Variants in CSRNP3 observed in about 807,000 individuals in gnomAD.
CSRNP3 encodes cysteine/serine-rich nuclear protein 3.
CSRNP3 carries 12 observed loss-of-function variants against 48.0 expected under a neutral mutation model. The ratio of observed to expected loss-of-function variants is 0.25; its 90% confidence interval spans 0.16 to 0.41. The LOEUF (loss-of-function observed/expected upper bound fraction) is 0.41. Among genes scored for constraint, CSRNP3 ranks in the 10% least tolerant of loss-of-function variants. CSRNP3 has a pLI of 1.00. For missense variants in CSRNP3, 580 were observed against 724.4 expected (o/e 0.80, Z 2.29); for synonymous variants, 263 against 269.7 (o/e 0.98, Z 0.24).
At chr2:165,645,717 C>T (rs116557096) in intron 4 of CSRNP3, among the ~76,000 whole-genome samples, 1,681 of 152,124 alleles carry the variant, frequency 0.011, 38 homozygotes, top group African/African-American at 0.039. Context: ...GCTTTAATTC[C>T]AATTCTGCAG....
rs149209603 is a variant in CSRNP3, at chr2:165,578,270, A to T, written c.-23-16773A>T. Among the ~76,000 whole-genome samples, 59 of 152,122 alleles carry T rather than the reference A, an allele frequency of 3.9e-4. 1 individual carries two copies. In the East Asian group the frequency reaches 8.1e-3, roughly 21 times the overall value. On this transcript the variant is annotated intron_variant, in intron 3 of 6. Coordinates refer to ENST00000651982, the MANE Select transcript of CSRNP3 (RefSeq NM_001172173.2). ...AGATGGGAAGAATTTTTGCTTGCTC[A>T]ATTCTTTATCTCCATGCAAGCTTAT... is the stretch of plus-strand genomic sequence containing the variant.
At chr2:165,575,064 T>G (rs1685426527) in intron 3 of CSRNP3, among the ~76,000 whole-genome samples, 1 of 152,202 alleles carries the variant, frequency 6.6e-6, no homozygotes, top group South Asian at 2.1e-4. Flanking sequence ...TAATGCTATT[T>G]GAATTTAACG....
chr2:165,515,943 T>G (rs1339712094), intron 2 of CSRNP3, among the ~76,000 whole-genome samples: 48 of 151,732 alleles, frequency 3.2e-4, no homozygotes, highest in Admixed American at 3.2e-3. Flanking sequence ...GTAGCTGGAA[T>G]TACAGGCGTG....
intron 4 of CSRNP3, among the ~76,000 whole-genome samples, chr2:165,603,844 G>A (rs1480914819): frequency 6.6e-6 from 1 of 152,214 alleles, no homozygotes; most frequent in East Asian, 1.9e-4. Flanking sequence ...CAATGTTCAT[G>A]TCTCCTCCAA....
At chr2:165,647,099 C>G (rs372242117) in intron 4 of CSRNP3, among the ~76,000 whole-genome samples, 66 of 151,956 alleles carry the variant, frequency 4.3e-4, no homozygotes, top group Admixed American at 6.6e-4. Context: ...AGATAGTACT[C>G]GGCATATGTA....
chr2:165,492,355 A>C (rs1225008692), intron 1 of CSRNP3, among the ~76,000 whole-genome samples: 1 of 152,080 alleles, frequency 6.6e-6, no homozygotes, highest in South Asian at 2.1e-4. Context: ...GAAATAGCCA[A>C]AGTCCTTGAA....
At chr2:165,478,465 A>G (rs909472771) in intron 1 of CSRNP3, among the ~76,000 whole-genome samples, 3 of 152,200 alleles carry the variant, frequency 2.0e-5, no homozygotes, top group African/African-American at 7.2e-5. Flanking sequence ...TTGCTGTCCA[A>G]AGAGGTTTTA....
chr2:165,547,573 C>CT (rs911003528), intron 3 of CSRNP3, among the ~76,000 whole-genome samples: 153 of 148,252 alleles, frequency 1.0e-3, no homozygotes, highest in South Asian at 7.5e-3. Flanking sequence ...GTTTGAATTT[C>CT]TTTTTTTTTT....
chr2:165,499,171 A>G (rs1319053950), intron 2 of CSRNP3, among the ~76,000 whole-genome samples: 4 of 152,318 alleles, frequency 2.6e-5, no homozygotes, highest in East Asian at 1.9e-4. Flanking sequence ...TCTACTAACC[A>G]TCTTCAAAGT....
chr2:165,665,905 GAAGC>G (rs1687177729), intron 5 of CSRNP3, among the ~76,000 whole-genome samples: 1 of 146,804 alleles, frequency 6.8e-6, no homozygotes, highest in Non-Finnish European at 1.5e-5. Flanking sequence ...GGGAGGGAAG[GAAGC>G]AAAGAGAGAG....
intron 4 of CSRNP3, among the ~76,000 whole-genome samples, chr2:165,648,491 T>G (rs1218697715): frequency 2.6e-5 from 4 of 152,120 alleles, no homozygotes; most frequent in African/African-American, 9.6e-5. Flanking sequence ...AAATAATTTT[T>G]TAAAAAGATT....
intron 4 of CSRNP3, among the ~76,000 whole-genome samples, chr2:165,638,620 C>G (rs1218468917): frequency 6.6e-6 from 1 of 152,166 alleles, no homozygotes; most frequent in East Asian, 1.9e-4. Flanking sequence ...AAGTACCTAT[C>G]TCTTTGTACT....
At chr2:165,656,546 TAAAA>T (rs891097618) in intron 4 of CSRNP3, among the ~76,000 whole-genome samples, 1 of 152,134 alleles carries the variant, frequency 6.6e-6, no homozygotes. Context: ...ATTTGTCAAT[TAAAA>T]AAATAAGAAG....
At chr2:165,609,168 C>T (rs1421932088) in intron 4 of CSRNP3, among the ~76,000 whole-genome samples, 2 of 139,066 alleles carry the variant, frequency 1.4e-5, no homozygotes, top group Non-Finnish European at 3.1e-5. Flanking sequence ...AGATGTTCTA[C>T]TTAGAGGCCA....
intron 3 of CSRNP3, among the ~76,000 whole-genome samples, chr2:165,528,395 C>T (rs1306736379): frequency 6.6e-6 from 1 of 152,050 alleles, no homozygotes; most frequent in Non-Finnish European, 1.5e-5. Context: ...AAATAATTGC[C>T]CAGACCAGTG....
At chr2:165,570,696 A>G (rs1685357319) in intron 3 of CSRNP3, among the ~76,000 whole-genome samples, 1 of 151,858 alleles carries the variant, frequency 6.6e-6, no homozygotes, top group Non-Finnish European at 1.5e-5. Context: ...TTAAGAACCC[A>G]GAAGTATACT....
intron 3 of CSRNP3, among the ~76,000 whole-genome samples, chr2:165,593,958 G>C (rs904341851): frequency 2.0e-5 from 3 of 152,112 alleles, no homozygotes; most frequent in Admixed American, 6.5e-5. Context: ...AGTCAAAACA[G>C]AGTCAAAACT....
intron 5 of CSRNP3, among the ~76,000 whole-genome samples, chr2:165,669,975 C>G (rs1415504422): frequency 6.6e-6 from 1 of 152,168 alleles, no homozygotes; most frequent in East Asian, 1.9e-4. Flanking sequence ...TGTAAACTAG[C>G]TAAGCCAAAT....
intron 4 of CSRNP3, among the ~76,000 whole-genome samples, chr2:165,630,658 A>T (rs1308976439): frequency 1.3e-5 from 2 of 152,210 alleles, no homozygotes; most frequent in African/African-American, 4.8e-5. Flanking sequence ...TAATCATTTT[A>T]CATTTACTCC....
Sources: gnomAD v4.1 joint callset for allele counts (sites outside exome capture counted in the v4.1 genomes callset) on GRCh38, gnomAD v4.1.1 for gene constraint, MANE v1.5 for transcripts, NCBI Gene and HGNC (gene_info 2026-07-23, HGNC 2026-07-21) for gene names.